SCAPER: variants seen among roughly 807,000 people sequenced by gnomAD.
SCAPER encodes the protein S-phase cyclin A associated protein in the ER.
SCAPER carries 98 observed loss-of-function variants against 182.2 expected under a neutral mutation model. The ratio of observed to expected loss-of-function variants is 0.54; its 90% CI spans 0.46 to 0.64. The LOEUF (loss-of-function observed/expected upper bound fraction) is 0.64. Among genes scored for constraint, SCAPER ranks in the 30% least tolerant of loss-of-function variants. The pLI is 0.00. For synonymous variants in SCAPER, 605 were observed against 564.6 expected (o/e 1.07, Z -1.01); for missense variants, 1,432 against 1,690.0 (o/e 0.85, Z 2.68).
At chr15:76,368,900 G>C (rs2041975763) in intron 29 of SCAPER, among the ~76,000 whole-genome samples, 1 of 152,208 alleles carries the variant, frequency 6.6e-6, no homozygotes, top group Admixed American at 6.5e-5. Context: ...GGGGTTGACA[G>C]CACATACTAA....
At position 76,680,396 on chromosome 15, in the gene SCAPER, C is replaced by CATG. The variant is rs746371617; in HGVS notation, c.2509-14610_2509-14608dup. 3.0e-3 allele frequency among the ~76,000 whole-genome samples: 404 copies of CATG among 136,174 alleles called. 2 individuals are homozygous for CATG. The highest frequency in any genetic ancestry group is 9.0e-3 in the African/African-American group (328 of 36,528). The allele number at this position is 136,174 out of a possible 152,430, so 89.3% of individuals were successfully genotyped here. A position where few individuals can be genotyped will look rare whatever the true frequency, so the allele number is the denominator to read the frequency against. Reference sequence around the variant, plus strand: ...TGCACAGGGACAAAGTAGGTCATTTCATGATGATGATGATGATAATAATAA... The same window carrying CATG: ...TGCACAGGGACAAAGTAGGTCATTTCATGATGATGATGATGATGATAATAATAA... On this transcript the variant is annotated intron_variant, in intron 20 of 31. Coordinates refer to ENST00000563290, the MANE Select transcript of SCAPER (RefSeq NM_020843.4).
intron 7 of SCAPER, 110 bp from the exon 8 acceptor site, chr15:76,795,550 T>C (rs1315746446): frequency 5.2e-6 from 4 of 762,252 alleles, no homozygotes; most frequent in East Asian, 3.1e-5. Context: ...TCCACATATA[T>C]AGAATAATAA....
At chr15:76,564,885 T>C (rs1005014208) in intron 23 of SCAPER, among the ~76,000 whole-genome samples, 3 of 152,060 alleles carry the variant, frequency 2.0e-5, no homozygotes, top group Non-Finnish European at 4.4e-5. Context: ...AACTATCTGA[T>C]CTTCGACAAA....
At position 76,752,246 on chromosome 15, in the gene SCAPER, T is replaced by C. The variant is rs2062133697; in HGVS notation, c.1866+1562A>G. ...ACAAAATGATGGGAGTTAGAGAGGA[T>C]ATGGAATAACTGGAACCCTTGTGCA... On this transcript the variant is annotated intron_variant, in intron 15 of 31. Coordinates refer to ENST00000563290, the MANE Select transcript of SCAPER (RefSeq NM_020843.4). Among the ~76,000 whole-genome samples the C allele has an allele frequency of 2.0e-5, 3 of 151,768 alleles. No individual in the cohort carries two copies. The South Asian group carries it at 6.2e-4, about 32-fold the overall frequency.
At chr15:76,811,374 A>T (rs2066607792) in intron 5 of SCAPER, among the ~76,000 whole-genome samples, 1 of 152,222 alleles carries the variant, frequency 6.6e-6, no homozygotes, top group Non-Finnish European at 1.5e-5. Flanking sequence ...AGAAACATGG[A>T]AATTAAATGA....
At chr15:76,446,057 T>C (rs531214590) in intron 25 of SCAPER, among the ~76,000 whole-genome samples, 58 of 152,270 alleles carry the variant, frequency 3.8e-4, no homozygotes, top group African/African-American at 1.3e-3. Flanking sequence ...GGGCACTTAA[T>C]GTGAGGTTCC....
intron 25 of SCAPER, among the ~76,000 whole-genome samples, chr15:76,461,296 C>T (rs1451630103): frequency 6.0e-5 from 9 of 150,752 alleles, no homozygotes; most frequent in Admixed American, 6.6e-5. Flanking sequence ...GTGGTGTCTA[C>T]CAAGGTTTTC....
chr15:76,529,448 G>A, intron 23 of SCAPER, among the ~76,000 whole-genome samples: 1 of 152,326 alleles, frequency 6.6e-6, no homozygotes, highest in Non-Finnish European at 1.5e-5. Context: ...GGGGAAGAAA[G>A]TCATTAGCAA....
At chr15:76,631,301 T>C (rs1457315009) in intron 21 of SCAPER, among the ~76,000 whole-genome samples, 2 of 152,246 alleles carry the variant, frequency 1.3e-5, no homozygotes, top group Non-Finnish European at 2.9e-5. Flanking sequence ...TTAAGGTTAA[T>C]ATTGTTATGT....
chr15:76,780,461 C>G (rs2064048436), intron 8 of SCAPER, among the ~76,000 whole-genome samples: 1 of 152,232 alleles, frequency 6.6e-6, no homozygotes, highest in Admixed American at 6.5e-5. Flanking sequence ...CATAGCTGAA[C>G]AAAAGGCAGC....
At chr15:76,661,728 T>C (rs2056190256) in intron 21 of SCAPER, among the ~76,000 whole-genome samples, 1 of 152,218 alleles carries the variant, frequency 6.6e-6, no homozygotes, top group African/African-American at 2.4e-5. Context: ...TTTACACTGT[T>C]GGTGGAAATG....
chr15:76,704,020 G>A (rs1368557764), intron 18 of SCAPER, among the ~76,000 whole-genome samples: 2 of 152,100 alleles, frequency 1.3e-5, no homozygotes, highest in Non-Finnish European at 2.9e-5. Context: ...GCCTATGGTT[G>A]TAGTAATGCT....
At chr15:76,692,683 T>C (rs919739237) in intron 20 of SCAPER, among the ~76,000 whole-genome samples, 14 of 129,868 alleles carry the variant, frequency 1.1e-4, no homozygotes, top group Non-Finnish European at 2.2e-4. Flanking sequence ...AGCAAGATTC[T>C]GTTTCAAAAA....
At position 76,659,838 on chromosome 15, in the gene SCAPER, T is replaced by C. The variant is rs551547342; in HGVS notation, c.2645+5815A>G. Among the ~76,000 whole-genome samples the C allele has an allele frequency of 3.9e-5, 6 of 152,328 alleles. No individual in the cohort carries two copies. In the South Asian group the frequency reaches 1.2e-3, roughly 32 times the overall value. On this transcript the variant is annotated intron_variant, in intron 21 of 31. Coordinates refer to ENST00000563290, the MANE Select transcript of SCAPER (RefSeq NM_020843.4). The stretch of plus-strand genomic sequence containing the variant: ...TTCCGTTATTGTGCAGAGCAGTCTG[T>C]AGATTTCTCAAAGAACACAGAACAA...
chr15:76,592,822 C>G (rs997484636), intron 22 of SCAPER, among the ~76,000 whole-genome samples: 1 of 121,966 alleles, frequency 8.2e-6, no homozygotes, highest in Non-Finnish European at 2.0e-5. Context: ...GTCTTTGCAA[C>G]CCGCAGACCA....
At chr15:76,401,466 C>A (rs2044450916) in intron 27 of SCAPER, among the ~76,000 whole-genome samples, 2 of 152,184 alleles carry the variant, frequency 1.3e-5, no homozygotes, top group African/African-American at 4.8e-5. Context: ...AATCCTTCTG[C>A]CTCTAGGCTT....
At position 76,689,086 on chromosome 15, in the gene SCAPER, G is replaced by A. The variant is rs183293440; in HGVS notation, c.2508+12672C>T. ...GATGGTCTCGATCTCCTGACCTAGT[G>A]ATCCGCCCGCCTCAGCCTTTCAAAG... On this transcript the variant is annotated intron_variant, in intron 20 of 31. Coordinates refer to ENST00000563290, the MANE Select transcript of SCAPER (RefSeq NM_020843.4). Among the ~76,000 whole-genome samples, 693 of 151,904 alleles carry A rather than the reference G, an allele frequency of 4.6e-3. 7 individuals carry two copies. The highest frequency in any genetic ancestry group is 0.016 in the African/African-American group (660 of 41,454).
chr15:76,759,683 A>T (rs1445329744), intron 14 of SCAPER, among the ~76,000 whole-genome samples: 5 of 152,206 alleles, frequency 3.3e-5, no homozygotes, highest in South Asian at 4.1e-4. Context: ...AAGGATATTG[A>T]ACTTTGTCAA....
chr15:76,383,035 C>CA, intron 27 of SCAPER, among the ~76,000 whole-genome samples: 1 of 151,868 alleles, frequency 6.6e-6, no homozygotes, highest in Non-Finnish European at 1.5e-5. Flanking sequence ...CCTTTCCCTA[C>CA]TTTTTAACAC....
Sources: gnomAD v4.1 joint callset for allele counts (sites outside exome capture counted in the v4.1 genomes callset) on GRCh38, gnomAD v4.1.1 for gene constraint, MANE v1.5 for transcripts, NCBI Gene and HGNC (gene_info 2026-07-23, HGNC 2026-07-21) for gene names.